The following COL23A1 variants were observed in gnomAD, a reference collection of about 807,000 sequenced individuals.
COL23A1 encodes collagen alpha-1(XXIII) chain.
A neutral mutation model predicts 99.3 loss-of-function variants in COL23A1; 97 were observed. The ratio of observed to expected loss-of-function variants is 0.98; its 90% CI spans 0.83 to 1.16. COL23A1 has a LOEUF of 1.16. COL23A1 is among the 50% of genes most tolerant of loss of function. COL23A1 has a pLI of 0.00. For synonymous variants in COL23A1, 320 were observed against 308.2 expected (o/e 1.04, Z -0.40); for missense variants, 762 against 757.4 (o/e 1.01, Z -0.07).
At chr5:178,364,817 C>A (rs1481453110) in intron 2 of COL23A1, among the ~76,000 whole-genome samples, 1 of 152,156 alleles carries the variant, frequency 6.6e-6, no homozygotes, top group Non-Finnish European at 1.5e-5. Context: ...TGCACAGGGG[C>A]TCCCCCTCAC....
chr5:178,577,761 C>A (rs1763455864), intron 1 of COL23A1, among the ~76,000 whole-genome samples: 1 of 152,244 alleles, frequency 6.6e-6, no homozygotes, highest in Non-Finnish European at 1.5e-5. Context: ...ATTCGGCCAG[C>A]CCCTTTCCAG....
At chr5:178,294,303 A>C (rs1581097432) in intron 3 of COL23A1, among the ~76,000 whole-genome samples, 2 of 25,626 alleles carry the variant, frequency 7.8e-5, no homozygotes, top group Non-Finnish European at 1.4e-4. Flanking sequence ...CTCCCAAATC[A>C]CTACCCAGCT....
At chr5:178,464,662 T>A (rs1030134474) in intron 2 of COL23A1, among the ~76,000 whole-genome samples, 3 of 152,210 alleles carry the variant, frequency 2.0e-5, no homozygotes, top group Non-Finnish European at 4.4e-5. Context: ...CTTCCCCACT[T>A]CACCATTAAA....
At chr5:178,469,357 CGTCCATCCCTCCCTG>C (rs1350810258) in intron 2 of COL23A1, among the ~76,000 whole-genome samples, 1 of 152,182 alleles carries the variant, frequency 6.6e-6, no homozygotes, top group African/African-American at 2.4e-5. Context: ...GCTCCTCTCC[CGTCCATCCCTCCCTG>C]GTCCCAGCCT....
chr5:178,382,891 G>C (rs2910125), intron 2 of COL23A1, among the ~76,000 whole-genome samples: 48,964 of 151,996 alleles, frequency 0.32, 8,141 homozygotes, highest in South Asian at 0.45. Context: ...GGCTGGCCTG[G>C]AAGTCAAGTG....
chr5:178,541,880 G>C (rs1469877700), intron 2 of COL23A1, among the ~76,000 whole-genome samples: 1 of 152,226 alleles, frequency 6.6e-6, no homozygotes, highest in Non-Finnish European at 1.5e-5. Context: ...GGCAGAACCA[G>C]TCTCTTAGGT....
intron 2 of COL23A1, among the ~76,000 whole-genome samples, chr5:178,327,840 C>T (rs1759779526): frequency 6.6e-6 from 1 of 152,154 alleles, no homozygotes; most frequent in African/African-American, 2.4e-5. Context: ...TCCCTGCGCC[C>T]CACACAGCTC....
chr5:178,259,627 C>A, intron 12 of COL23A1, 94 bp downstream of exon 12: 4 of 974,002 alleles, frequency 4.1e-6, no homozygotes, highest in Admixed American at 2.1e-5. Context: ...CCCATCCCGT[C>A]CCCATCCCCA....
rs1440666172 is a variant in COL23A1, at chr5:178,313,350, T to C, written c.362-6431A>G. 6.6e-6 allele frequency among the ~76,000 whole-genome samples: 1 copy of C among 152,136 alleles called. No individual in the cohort carries two copies. The highest frequency in any genetic ancestry group is 1.5e-5 in the Non-Finnish European group (1 of 68,022). ...TTAAGGATGGTTAAGACGGGAAATGTTATGGTATGTGTATTTTATCACAAT... is the reference window on the plus strand; with the variant it reads ...TTAAGGATGGTTAAGACGGGAAATGCTATGGTATGTGTATTTTATCACAAT... On this transcript the variant is annotated intron_variant, in intron 2 of 28. Transcript: ENST00000390654. The surrounding 1 kb of genome is among the most constrained non-coding windows in gnomAD (Gnocchi z 4.2).
intron 5 of COL23A1, among the ~76,000 whole-genome samples, chr5:178,286,542 G>A (rs903189275): frequency 7.2e-5 from 11 of 152,212 alleles, no homozygotes; most frequent in African/African-American, 1.9e-4. Context: ...GGCCTGGCTC[G>A]CGTTCTGGGT....
chr5:178,371,547 A>G (rs1024038569), intron 2 of COL23A1, among the ~76,000 whole-genome samples: 3 of 152,146 alleles, frequency 2.0e-5, no homozygotes, highest in African/African-American at 7.2e-5. Context: ...AACACTGGAC[A>G]CGCGGCGACG....
At chr5:178,472,957 TC>T (rs1323898854) in intron 2 of COL23A1, among the ~76,000 whole-genome samples, 1 of 152,070 alleles carries the variant, frequency 6.6e-6, no homozygotes, top group Non-Finnish European at 1.5e-5. Flanking sequence ...AGACTCTATC[TC>T]TACAAAAATT....
chr5:178,555,831 C>T (rs1313211297), intron 2 of COL23A1, among the ~76,000 whole-genome samples: 1 of 152,128 alleles, frequency 6.6e-6, no homozygotes, highest in African/African-American at 2.4e-5. Flanking sequence ...CGGTGGAGGC[C>T]GGACCATAGG....
intron 5 of COL23A1, among the ~76,000 whole-genome samples, chr5:178,283,850 G>A (rs1757024985): frequency 1.3e-5 from 2 of 152,208 alleles, no homozygotes; most frequent in South Asian, 4.1e-4. Flanking sequence ...ATACCTCCGG[G>A]AAGATGACAT....
chr5:178,402,630 T>C (rs1764510578), intron 2 of COL23A1, among the ~76,000 whole-genome samples: 1 of 152,166 alleles, frequency 6.6e-6, no homozygotes, highest in Non-Finnish European at 1.5e-5. Flanking sequence ...CGCATGCCTG[T>C]AGTCGCAGCT....
chr5:178,393,485 T>C (rs976676887), intron 2 of COL23A1, among the ~76,000 whole-genome samples: 1 of 151,732 alleles, frequency 6.6e-6, no homozygotes, highest in Non-Finnish European at 1.5e-5. Flanking sequence ...TTAATGCCAC[T>C]GAACTGTACA....
At chr5:178,326,845 G>A (rs1308909425) in intron 2 of COL23A1, among the ~76,000 whole-genome samples, 1 of 152,140 alleles carries the variant, frequency 6.6e-6, no homozygotes, top group Non-Finnish European at 1.5e-5. Flanking sequence ...TCAGCCTCCT[G>A]GGTAGCTGGG....
At chr5:178,489,657 C>T (rs1352155085) in intron 2 of COL23A1, among the ~76,000 whole-genome samples, 1 of 151,820 alleles carries the variant, frequency 6.6e-6, no homozygotes, top group Non-Finnish European at 1.5e-5. Flanking sequence ...GCTAGGAAGT[C>T]GGGAGGGTGG....
chr5:178,394,084 C>T (rs956364966), intron 2 of COL23A1, among the ~76,000 whole-genome samples: 12 of 152,100 alleles, frequency 7.9e-5, no homozygotes, highest in African/African-American at 2.7e-4. Context: ...AAACCTGGAG[C>T]GAAAGACCTG....
Sources: allele counts gnomAD v4.1 joint callset (sites outside exome capture counted in the v4.1 genomes callset), GRCh38; gene constraint gnomAD v4.1.1; non-coding constraint Gnocchi (gnomAD v3.1); transcripts MANE v1.5; gene names NCBI Gene and HGNC (gene_info 2026-07-23, HGNC 2026-07-21).